RAE1: variants seen among roughly 807,000 people sequenced by gnomAD.
The protein encoded by RAE1 is mRNA export factor RAE1.
A neutral mutation model predicts 52.7 loss-of-function variants in RAE1; 13 were observed. The observed-to-expected ratio is 0.25, with a 90% confidence interval of 0.16 to 0.39. The LOEUF (loss-of-function observed/expected upper bound fraction) is 0.39, where lower values mean the gene tolerates loss of function less well. RAE1 is among the 10% of genes least tolerant of loss of function. The probability of loss-of-function intolerance (pLI) is 1.00; values close to 1 mark genes in which losing one functional copy is unlikely to be tolerated. For synonymous variants in RAE1, 164 were observed against 153.1 expected (o/e 1.07, Z -0.52); for missense variants, 262 against 459.8 (o/e 0.57, Z 3.93).
intron 7 of RAE1, 100 bp from the exon 8 acceptor site, chr20:57,368,605 C>T: frequency 2.9e-6 from 2 of 684,564 alleles, no homozygotes; most frequent in South Asian, 2.0e-5. Context: ...TTATTAAAAT[C>T]CAGACTTAAT....
At position 57,351,382 on chromosome 20, in the gene RAE1, C is replaced by T. The variant is rs1026369459; in HGVS notation, c.-48C>T. ...AGGTTCGCAAACTCCTCAGACCCTT[C>T]TGCTCCCGGCCGCCGCTTTCCGCCG... is the stretch of plus-strand genomic sequence containing the variant. On this transcript the variant is annotated 5_prime_UTR_variant, in exon 1 of 12. Coordinates refer to ENST00000395841, the MANE Select transcript of RAE1 (RefSeq NM_003610.4). 2.0e-6 allele frequency: 2 copies of T among 985,390 alleles called. No individual in the cohort carries two copies. Among genetic ancestry groups the T allele is most frequent in the African/African-American group, 3.5e-5 (2 of 57,256 alleles). 61.0% of individuals were successfully genotyped at this position (985,390 alleles called of 1,614,324 possible). A position where few individuals can be genotyped will look rare whatever the true frequency, so the allele number is the denominator to read the frequency against.
At chr20:57,353,107 T>TG (rs1204180456) in intron 1 of RAE1, among the ~76,000 whole-genome samples, 1 of 152,218 alleles carries the variant, frequency 6.6e-6, no homozygotes. Context: ...TGGCTCCCTT[T>TG]GGAGAGGTGA....
intron 4 of RAE1, among the ~76,000 whole-genome samples, chr20:57,362,098 T>C (rs2066899154): frequency 1.3e-5 from 2 of 152,206 alleles, no homozygotes; most frequent in African/African-American, 4.8e-5. Flanking sequence ...CCTGAAACCA[T>C]ACCCTCACTT....
intron 4 of RAE1, among the ~76,000 whole-genome samples, chr20:57,357,240 T>C (rs1410233930): frequency 6.6e-6 from 1 of 152,200 alleles, no homozygotes. Flanking sequence ...GGCCTCCAAA[T>C]TCTCTTCCTT....
chr20:57,352,286 G>A (rs2066721970), intron 1 of RAE1, among the ~76,000 whole-genome samples: 1 of 152,212 alleles, frequency 6.6e-6, no homozygotes, highest in African/African-American at 2.4e-5. Flanking sequence ...AAGTTCGGAG[G>A]AGGCAACTTT....
chr20:57,374,649 A>G lies in RAE1; in HGVS notation c.868A>G (p.Thr290Ala), dbSNP rs1209533319. 6.2e-7 allele frequency: 1 copy of G among 1,614,160 alleles called. No homozygotes were observed. Among genetic ancestry groups the G allele is most frequent in the African/African-American group, 1.3e-5 (1 of 75,058 alleles). ...CCATCCTGTTCATGGCACCCTTGCA[A>G]CTGTGGGATCTGATGGTAGATTCAG... ...AFHPVHGTLATVGSDGRFSFW... is the reference protein window; with the variant it reads ...AFHPVHGTLAAVGSDGRFSFW... The change falls in exon 11 of 12, where the codon ACT becomes GCT. Residue 290 changes from threonine to alanine, a missense_variant. Physicochemically the swap from Thr to Ala is moderately conservative, Grantham distance 58. Coordinates refer to ENST00000395841, the MANE Select transcript of RAE1 (RefSeq NM_003610.4).
chr20:57,370,874 C>T (rs1038173340), intron 8 of RAE1, among the ~76,000 whole-genome samples: 7 of 152,192 alleles, frequency 4.6e-5, no homozygotes, highest in African/African-American at 1.4e-4. Context: ...GCAGAGTGAA[C>T]ATTTGATCTG....
chr20:57,365,284 A>T, intron 4 of RAE1, 72 bp from the exon 5 acceptor site: 1 of 1,101,678 alleles, frequency 9.1e-7, no homozygotes, highest in Non-Finnish European at 1.3e-6. Flanking sequence ...TGTTCAACGT[A>T]GTATCTAAAT....
intron 8 of RAE1, among the ~76,000 whole-genome samples, chr20:57,369,089 G>GA (rs1274852067): frequency 9.2e-5 from 14 of 152,246 alleles, no homozygotes; most frequent in Admixed American, 3.9e-4. Context: ...TTTGCCCTCT[G>GA]AAGGGGTTCA....
At chr20:57,368,375 T>C (rs533006494) in intron 7 of RAE1, among the ~76,000 whole-genome samples, 15 of 152,340 alleles carry the variant, frequency 9.8e-5, no homozygotes, top group Non-Finnish European at 1.9e-4. Flanking sequence ...TACAGAAATA[T>C]GCTACATACC....
chr20:57,351,268 T>G lies in RAE1; in HGVS notation c.-162T>G, dbSNP rs901156533. The G allele has an allele frequency of 7.2e-5, 71 of 985,346 alleles. No individual in the cohort carries two copies. The highest frequency in any genetic ancestry group is 8.4e-5 in the Non-Finnish European group (70 of 829,876). The allele number at this position is 985,346 out of a possible 1,614,324, so 61.0% of individuals were successfully genotyped here. A position where few individuals can be genotyped will look rare whatever the true frequency, so the allele number is the denominator to read the frequency against. On this transcript the variant is annotated 5_prime_UTR_variant, in exon 1 of 12. Coordinates refer to ENST00000395841, the MANE Select transcript of RAE1 (RefSeq NM_003610.4). ...CGCACGCGCGTTGTTTCCGCGGTAG[T>G]CAGGGCAGTTTCTACCGCAGGCTTA...
chr20:57,368,127 C>G (rs2066983881), intron 7 of RAE1, among the ~76,000 whole-genome samples: 1 of 152,170 alleles, frequency 6.6e-6, no homozygotes, highest in South Asian at 2.1e-4. Flanking sequence ...ACCTCATGAT[C>G]CACCTGCCTC....
chr20:57,351,805 C>G (rs561535690), intron 1 of RAE1: 1 of 985,474 alleles, frequency 1.0e-6, no homozygotes, highest in South Asian at 4.7e-5. Context: ...TCAACCTGCT[C>G]CATTTCTTTC....
chr20:57,367,543 G>A (rs1185540001), intron 7 of RAE1, among the ~76,000 whole-genome samples: 1 of 152,040 alleles, frequency 6.6e-6, no homozygotes, highest in African/African-American at 2.4e-5. Context: ...AGGAGTTCGA[G>A]ACCACCCTGG....
At chr20:57,353,633 C>T (rs994918015) in intron 1 of RAE1, among the ~76,000 whole-genome samples, 3 of 152,224 alleles carry the variant, frequency 2.0e-5, no homozygotes, top group African/African-American at 7.2e-5. Flanking sequence ...CGGGGACCTG[C>T]GATCTTGTTT....
chr20:57,353,756 TG>T (rs2066745077), intron 1 of RAE1, among the ~76,000 whole-genome samples: 1 of 152,258 alleles, frequency 6.6e-6, no homozygotes, highest in Admixed American at 6.5e-5. Flanking sequence ...GGTTTATTAA[TG>T]GTAACAAATG....
chr20:57,371,143 A>C (rs1357285189), intron 8 of RAE1: 2 of 152,244 alleles, frequency 1.3e-5, no homozygotes, highest in African/African-American at 2.4e-5. Context: ...GAACTCTATG[A>C]CATTGGTCTT....
Position 57,378,286 on chromosome 20 carries a change from A to T in RAE1, c.*187A>T. ...CGGCGACTTGCCGTCTCTCCATTCC[A>T]CTGCCTGTTGCAGAGTTTTTCTGTA... On this transcript the variant is annotated 3_prime_UTR_variant, in exon 12 of 12. Transcript: ENST00000395841. The T allele has an allele frequency of 1.8e-6, 1 of 543,356 alleles. No individual in the cohort carries two copies. The highest frequency in any genetic ancestry group is 3.3e-6 in the Non-Finnish European group (1 of 304,616). The allele number at this position is 543,356 out of a possible 1,614,324, so 33.7% of individuals were successfully genotyped here.
intron 1 of RAE1, chr20:57,351,713 C>T: frequency 1.0e-6 from 1 of 985,546 alleles, no homozygotes; most frequent in Non-Finnish European, 1.2e-6. Context: ...CGTCTGGCGT[C>T]TCGTCAGATA....
Sources: allele counts gnomAD v4.1 joint callset (sites outside exome capture counted in the v4.1 genomes callset), GRCh38; gene constraint gnomAD v4.1.1; transcripts MANE v1.5; gene names NCBI Gene and HGNC (gene_info 2026-07-23, HGNC 2026-07-21).